The following GAS7 variants were observed in gnomAD, a reference collection of about 807,000 sequenced individuals.
The protein encoded by GAS7 is growth arrest specific 7.
GAS7 carries 28 observed loss-of-function variants against 71.1 expected under a neutral mutation model. That is an observed-to-expected ratio of 0.39 (90% confidence interval 0.29 to 0.54). The LOEUF (loss-of-function observed/expected upper bound fraction) is 0.54. Among genes scored for constraint, GAS7 ranks in the 20% least tolerant of loss-of-function variants. The probability of loss-of-function intolerance (pLI) is 0.62; values close to 1 mark genes in which losing one functional copy is unlikely to be tolerated. For missense variants in GAS7, 436 were observed against 627.8 expected (o/e 0.69, Z 3.27); for synonymous variants, 258 against 245.8 (o/e 1.05, Z -0.46).
chr17:9,941,678 C>A (rs1457065662), intron 7 of GAS7, among the ~76,000 whole-genome samples: 1 of 152,252 alleles, frequency 6.6e-6, no homozygotes, highest in Non-Finnish European at 1.5e-5. Context: ...GAAATATAAA[C>A]CATAAGCGTG....
chr17:9,936,838 G>A (rs1449955217), intron 8 of GAS7, among the ~76,000 whole-genome samples: 1 of 152,158 alleles, frequency 6.6e-6, no homozygotes, highest in East Asian at 1.9e-4. Context: ...TTCCACATAG[G>A]AGAGAAAAAC....
intron 2 of GAS7, among the ~76,000 whole-genome samples, chr17:10,003,478 C>T (rs1211478436): frequency 6.6e-6 from 1 of 152,236 alleles, no homozygotes; most frequent in Non-Finnish European, 1.5e-5. Context: ...CACAATCTGG[C>T]CAAGCTTTCA....
At chr17:10,027,638 A>G (rs1208081863) in intron 1 of GAS7, among the ~76,000 whole-genome samples, 2 of 152,240 alleles carry the variant, frequency 1.3e-5, no homozygotes, top group African/African-American at 4.8e-5. Context: ...CAGACACAGC[A>G]ACATGGTGCC....
At chr17:10,119,466 CAG>C (rs1370615397) in intron 1 of GAS7, among the ~76,000 whole-genome samples, 1 of 152,224 alleles carries the variant, frequency 6.6e-6, no homozygotes, top group African/African-American at 2.4e-5. Flanking sequence ...GAGCATGTCT[CAG>C]GGGATTCCTA....
chr17:10,192,564 G>T (rs2074510380), intron 1 of GAS7, among the ~76,000 whole-genome samples: 2 of 152,184 alleles, frequency 1.3e-5, no homozygotes, highest in Non-Finnish European at 2.9e-5. Flanking sequence ...ATGTTTCTAG[G>T]TGGTAACAGA....
At chr17:10,100,853 A>C (rs554494767) in intron 1 of GAS7, among the ~76,000 whole-genome samples, 1 of 152,376 alleles carries the variant, frequency 6.6e-6, no homozygotes, top group South Asian at 2.1e-4. Flanking sequence ...AAGCTAGAAA[A>C]TGAAGCTAAA....
rs2067561006 is a variant in GAS7, at chr17:9,915,558, T to C, written c.*1670A>G. ...AAAAGTGACAACGTTTGGTTTACTT[T>C]AGTATATTAGGCATTTTTCTAATGT... On this transcript the variant is annotated 3_prime_UTR_variant, in exon 14 of 14. Transcript: ENST00000432992. 4.4e-6 allele frequency: 1 copy of C among 225,316 alleles called. No individual in the cohort carries two copies. The highest frequency in any genetic ancestry group is 5.7e-5 in the Admixed American group (1 of 17,538). The allele number at this position is 225,316 out of a possible 1,614,324, so 14.0% of individuals were successfully genotyped here.
intron 6 of GAS7, among the ~76,000 whole-genome samples, chr17:9,944,474 G>C (rs1219645671): frequency 2.6e-5 from 4 of 152,184 alleles, no homozygotes; most frequent in Non-Finnish European, 4.4e-5. Flanking sequence ...CCTTGAAATA[G>C]GGGTGGGTTG....
chr17:10,145,140 T>C (rs2074112017), intron 1 of GAS7, among the ~76,000 whole-genome samples: 1 of 152,238 alleles, frequency 6.6e-6, no homozygotes, highest in South Asian at 2.1e-4. Flanking sequence ...GCAGACAGCC[T>C]GGCTCAGCTC....
intron 8 of GAS7, among the ~76,000 whole-genome samples, chr17:9,936,889 T>C (rs754606817): frequency 3.3e-5 from 5 of 152,206 alleles, no homozygotes; most frequent in Middle Eastern, 3.2e-3. Flanking sequence ...TATTTACCAA[T>C]GTGCACATGT....
At chr17:10,052,846 G>A (rs188127050) in intron 1 of GAS7, among the ~76,000 whole-genome samples, 45 of 152,234 alleles carry the variant, frequency 3.0e-4, no homozygotes, top group Middle Eastern at 3.4e-3. Context: ...CCTCCCCCGT[G>A]CACAGCCACA....
chr17:10,036,399 G>A (rs1037845857), intron 1 of GAS7: 5 of 1,500,774 alleles, frequency 3.3e-6, no homozygotes, highest in East Asian at 4.5e-5. Context: ...GCAAACTGGA[G>A]CATACATCTG....
chr17:10,121,652 C>T (rs775136102), intron 1 of GAS7, among the ~76,000 whole-genome samples: 1 of 152,134 alleles, frequency 6.6e-6, no homozygotes, highest in Non-Finnish European at 1.5e-5. Context: ...GCTCCTGAAT[C>T]GACAGATCTG....
Position 9,912,823 on chromosome 17 carries a change from AGTGT to A in GAS7, c.*4401_*4404del. ...CAAGAACTTCCAGGGCGAAAGGCTC[AGTGT>A]AAAAATAAAGAAGCAGAGTAGTACG... On this transcript the variant is annotated 3_prime_UTR_variant, in exon 14 of 14. Transcript: ENST00000432992. 1 of 232,710 alleles carries A rather than the reference AGTGT, an allele frequency of 4.3e-6. No homozygotes were observed. The highest frequency in any genetic ancestry group is 8.5e-6 in the Non-Finnish European group (1 of 117,666). The allele number at this position is 232,710 out of a possible 1,614,324, so 14.4% of individuals were successfully genotyped here.
chr17:9,983,028 G>C (rs1163324997), intron 2 of GAS7, among the ~76,000 whole-genome samples: 1 of 151,510 alleles, frequency 6.6e-6, no homozygotes, highest in African/African-American at 2.4e-5. Flanking sequence ...TGATAATGCA[G>C]GAAAACACAC....
chr17:10,039,812 G>T (rs751131649), intron 1 of GAS7: 18 of 452,230 alleles, frequency 4.0e-5, no homozygotes, highest in Non-Finnish European at 7.1e-5. Flanking sequence ...TCAATCGAGG[G>T]ATTTTCCGTT....
Position 10,117,192 on chromosome 17 carries a change from C to T in GAS7, c.183+81016G>A, listed in dbSNP as rs568605746. Among the ~76,000 whole-genome samples the T allele has an allele frequency of 9.7e-4, 148 of 152,218 alleles. 3 individuals are homozygous for T. The South Asian group carries it at 0.026, about 26-fold the overall frequency. The stretch of plus-strand genomic sequence containing the variant: ...GAGCCCACCCACTTTCCCTGGCTTT[C>T]GGCCCCTTCCTCTCGTCACTCAGCC... On this transcript the variant is annotated intron_variant, in intron 1 of 13. Coordinates refer to ENST00000432992, the MANE Select transcript of GAS7 (RefSeq NM_201433.2).
intron 9 of GAS7, among the ~76,000 whole-genome samples, chr17:9,932,755 A>G (rs559237738): frequency 3.9e-5 from 6 of 152,130 alleles, no homozygotes; most frequent in Non-Finnish European, 8.8e-5. Flanking sequence ...ATGACTCAAT[A>G]AGAAAATATT....
intron 11 of GAS7, among the ~76,000 whole-genome samples, chr17:9,922,604 C>T (rs1472813911): frequency 2.0e-5 from 3 of 152,108 alleles, no homozygotes; most frequent in Non-Finnish European, 4.4e-5. Context: ...ACTTTCGTCA[C>T]AAAATAATTC....
Sources: allele counts gnomAD v4.1 joint callset (sites outside exome capture counted in the v4.1 genomes callset), GRCh38; gene constraint gnomAD v4.1.1; transcripts MANE v1.5; gene names NCBI Gene and HGNC (gene_info 2026-07-23, HGNC 2026-07-21).